CHP1: variants seen among roughly 807,000 people sequenced by gnomAD.
CHP1 encodes the protein calcineurin like EF-hand protein 1, also known as calcineurin B homologous protein 1.
Under a neutral mutation model 27.4 loss-of-function variants are expected in CHP1, and 11 were observed. The ratio of observed to expected loss-of-function variants is 0.40; its 90% CI spans 0.25 to 0.67. The LOEUF (loss-of-function observed/expected upper bound fraction) is 0.67, where lower values mean the gene tolerates loss of function less well. Ranked by LOEUF, CHP1 falls within the 30% of genes least tolerant of loss-of-function variation. The pLI is 0.38. For synonymous variants in CHP1, 89 were observed against 87.4 expected (o/e 1.02, Z -0.10); for missense variants, 169 against 251.3 (o/e 0.67, Z 2.22).
chr15:41,269,266 A>G lies in CHP1; in HGVS notation c.350-1291A>G, dbSNP rs191065593. On this transcript the variant is annotated intron_variant, in intron 4 of 6. Transcript: ENST00000334660. ...TTAAACAGAGCAGAAAAAAAAATAC[A>G]TATATATGAAGTCTCTCCTAGCTAC... Among the ~76,000 whole-genome samples the G allele has an allele frequency of 3.9e-3, 596 of 152,252 alleles. 4 individuals carry two copies. The highest frequency in any genetic ancestry group is 0.022 in the South Asian group (108 of 4,826).
intron 5 of CHP1, among the ~76,000 whole-genome samples, chr15:41,273,159 A>C (rs1328920594): frequency 6.6e-6 from 1 of 152,004 alleles, no homozygotes; most frequent in Non-Finnish European, 1.5e-5. Flanking sequence ...CAGCAATATA[A>C]AATATAATAT....
At chr15:41,252,310 A>G (rs989254403) in intron 2 of CHP1, among the ~76,000 whole-genome samples, 3 of 151,892 alleles carry the variant, frequency 2.0e-5, no homozygotes, top group Non-Finnish European at 4.4e-5. Context: ...CTGGGATTAC[A>G]GGCACCCGCC....
chr15:41,236,305 A>G (rs967260723), intron 1 of CHP1, among the ~76,000 whole-genome samples: 2 of 152,100 alleles, frequency 1.3e-5, no homozygotes, highest in African/African-American at 4.8e-5. Context: ...TCTGTCATCC[A>G]GGCTGGAGTG....
chr15:41,270,274 G>GT (rs573801381), intron 4 of CHP1, among the ~76,000 whole-genome samples: 148 of 151,914 alleles, frequency 9.7e-4, no homozygotes, highest in Middle Eastern at 3.4e-3. Flanking sequence ...TTTGGGGGGG[G>GT]GCGTTTAACA....
chr15:41,279,269 C>T, intron 6 of CHP1, 67 bp from the exon 7 acceptor site: 1 of 1,260,130 alleles, frequency 7.9e-7, no homozygotes, highest in Non-Finnish European at 1.2e-6. Flanking sequence ...AAACATTACT[C>T]AGATAAGAGC....
chr15:41,271,561 G>A (rs545773651), intron 5 of CHP1, among the ~76,000 whole-genome samples: 5 of 152,304 alleles, frequency 3.3e-5, no homozygotes, highest in African/African-American at 1.2e-4. Flanking sequence ...ATGACACTTA[G>A]TTAAATGCTG....
chr15:41,256,608 A>G (rs1026055849), intron 2 of CHP1: 3 of 342,924 alleles, frequency 8.7e-6, no homozygotes, highest in Non-Finnish European at 1.6e-5. Context: ...AATGTTCAAG[A>G]AATCATTTAC....
intron 2 of CHP1, among the ~76,000 whole-genome samples, chr15:41,253,962 T>C (rs1311476600): frequency 6.6e-6 from 1 of 151,712 alleles, no homozygotes. Context: ...TTTTTTTTTT[T>C]TTTTTAAACT....
chr15:41,274,911 C>T (rs2047512124), intron 5 of CHP1, among the ~76,000 whole-genome samples: 1 of 151,334 alleles, frequency 6.6e-6, no homozygotes, highest in Admixed American at 6.6e-5. Context: ...CTCCCATAGC[C>T]TCCTGAGTAG....
At chr15:41,260,283 A>G (rs191528448) in intron 3 of CHP1, among the ~76,000 whole-genome samples, 126 of 152,046 alleles carry the variant, frequency 8.3e-4, no homozygotes, top group African/African-American at 2.9e-3. Flanking sequence ...TCTTCATTCA[A>G]GTTTTGAGAA....
chr15:41,234,015 CA>C (rs2047265077), intron 1 of CHP1: 1 of 152,198 alleles, frequency 6.6e-6, no homozygotes, highest in Non-Finnish European at 1.5e-5. Flanking sequence ...GTGGCTTGAG[CA>C]TAGCTCACTG....
chr15:41,245,327 G>T (rs747151520), intron 2 of CHP1, among the ~76,000 whole-genome samples: 3 of 150,540 alleles, frequency 2.0e-5, no homozygotes, highest in Non-Finnish European at 4.4e-5. Context: ...GTGGCGTGGT[G>T]GTGGGCGCCT....
chr15:41,236,220 A>T (rs2047276101), intron 1 of CHP1, among the ~76,000 whole-genome samples: 1 of 151,648 alleles, frequency 6.6e-6, no homozygotes, highest in South Asian at 2.1e-4. Flanking sequence ...CTGGGATTAT[A>T]GATGTGAGCC....
intron 4 of CHP1, among the ~76,000 whole-genome samples, chr15:41,266,474 G>GT (rs1381951799): frequency 2.0e-5 from 3 of 152,006 alleles, no homozygotes; most frequent in Non-Finnish European, 2.9e-5. Context: ...TTCTTAAATG[G>GT]TTTAAGTTTT....
At chr15:41,246,719 C>T (rs888698515) in intron 2 of CHP1, among the ~76,000 whole-genome samples, 17 of 141,112 alleles carry the variant, frequency 1.2e-4, no homozygotes, top group Non-Finnish European at 2.3e-4. Flanking sequence ...GCCTGGCTAA[C>T]GCAGTGAAAC....
At chr15:41,243,505 C>G (rs562836135) in intron 1 of CHP1, among the ~76,000 whole-genome samples, 162 bp from the exon 2 acceptor site, 22 of 152,288 alleles carry the variant, frequency 1.4e-4, no homozygotes, top group Non-Finnish European at 2.6e-4. Context: ...TTCTCTAACT[C>G]CTTTCATTCT....
At chr15:41,266,919 G>A (rs2140939415) in intron 4 of CHP1, among the ~76,000 whole-genome samples, 1 of 152,122 alleles carries the variant, frequency 6.6e-6, no homozygotes, top group East Asian at 1.9e-4. Context: ...AGAATTGCTT[G>A]AACCCAGGAG....
At chr15:41,251,157 T>C (rs1015914961) in intron 2 of CHP1, among the ~76,000 whole-genome samples, 2 of 152,072 alleles carry the variant, frequency 1.3e-5, no homozygotes, top group Admixed American at 6.6e-5. Flanking sequence ...AAGCAAACTT[T>C]ATTGAAGTAT....
At chr15:41,240,994 A>T (rs543565438) in intron 1 of CHP1, among the ~76,000 whole-genome samples, 2 of 152,022 alleles carry the variant, frequency 1.3e-5, no homozygotes, top group South Asian at 4.2e-4. Flanking sequence ...CTGGGACTAG[A>T]GGCAGACGCC....
Sources: gnomAD v4.1 joint callset for allele counts (sites outside exome capture counted in the v4.1 genomes callset) on GRCh38, gnomAD v4.1.1 for gene constraint, MANE v1.5 for transcripts, NCBI Gene and HGNC (gene_info 2026-07-23, HGNC 2026-07-21) for gene names.